Variants in SLC1A2 observed in about 807,000 individuals in gnomAD.
SLC1A2 encodes excitatory amino acid transporter 2.
A neutral mutation model predicts 48.8 loss-of-function variants in SLC1A2; 15 were observed. The observed-to-expected ratio is 0.31, with a 90% confidence interval of 0.21 to 0.47. SLC1A2 has a LOEUF of 0.47. SLC1A2 is among the 20% of genes least tolerant of loss of function. SLC1A2 has a pLI of 0.99. For synonymous variants in SLC1A2, 279 were observed against 272.6 expected (o/e 1.02, Z -0.23); for missense variants, 502 against 730.5 (o/e 0.69, Z 3.61).
At chr11:35,342,126 G>T (rs1436316700) in intron 1 of SLC1A2, among the ~76,000 whole-genome samples, 1 of 152,158 alleles carries the variant, frequency 6.6e-6, no homozygotes, top group African/African-American at 2.4e-5. Flanking sequence ...TGTAAATGGA[G>T]ATTCTTATAT....
At chr11:35,414,056 T>C (rs965912436) in intron 1 of SLC1A2, among the ~76,000 whole-genome samples, 2 of 152,212 alleles carry the variant, frequency 1.3e-5, no homozygotes, top group Non-Finnish European at 2.9e-5. Flanking sequence ...GTTCATTCCC[T>C]TCATTCCATT....
At chr11:35,409,239 T>A (rs1322020716) in intron 1 of SLC1A2, among the ~76,000 whole-genome samples, 2 of 152,208 alleles carry the variant, frequency 1.3e-5, no homozygotes, top group East Asian at 3.9e-4. Flanking sequence ...ACAGACTACC[T>A]GACTTCTTGA....
intron 1 of SLC1A2, among the ~76,000 whole-genome samples, chr11:35,356,630 C>G (rs1853477497): frequency 6.6e-6 from 1 of 152,192 alleles, no homozygotes; most frequent in South Asian, 2.1e-4. Context: ...GAAATTTCTT[C>G]TGAGGGTCTA....
At chr11:35,319,676 A>G (rs1851996950) in intron 1 of SLC1A2, among the ~76,000 whole-genome samples, 1 of 152,268 alleles carries the variant, frequency 6.6e-6, no homozygotes. Context: ...ATACACACCC[A>G]ACCTGGCAAT....
chr11:35,286,509 T>C (rs988995844), intron 8 of SLC1A2: 2 of 333,048 alleles, frequency 6.0e-6, no homozygotes, highest in African/African-American at 4.3e-5. Flanking sequence ...ACAGGATTGC[T>C]AAAAATCAAA....
intron 1 of SLC1A2, among the ~76,000 whole-genome samples, chr11:35,385,894 G>A (rs1490943942): frequency 3.9e-5 from 6 of 152,164 alleles, no homozygotes; most frequent in Non-Finnish European, 8.8e-5. Context: ...TTGGCCCGGC[G>A]CGGTGGCTCA....
intron 5 of SLC1A2, among the ~76,000 whole-genome samples, chr11:35,305,291 C>T (rs1031897763): frequency 8.5e-5 from 13 of 152,346 alleles, no homozygotes; most frequent in Admixed American, 1.3e-4. Context: ...GATCACAGCT[C>T]ATACGGAGAG....
At chr11:35,345,470 A>C (rs7930134) in intron 1 of SLC1A2, among the ~76,000 whole-genome samples, 88,239 of 151,920 alleles carry the variant, frequency 0.58, 26,161 homozygotes, top group East Asian at 0.7. Flanking sequence ...TCCCTGTTCC[A>C]TGTGCAAGGC....
intron 1 of SLC1A2, among the ~76,000 whole-genome samples, chr11:35,329,806 A>G (rs1852370668): frequency 6.6e-6 from 1 of 152,172 alleles, no homozygotes; most frequent in Non-Finnish European, 1.5e-5. Context: ...TGGTGAGCCT[A>G]TATCTGTTTC....
intron 1 of SLC1A2, among the ~76,000 whole-genome samples, chr11:35,414,282 T>C (rs1855547269): frequency 6.6e-6 from 1 of 152,206 alleles, no homozygotes; most frequent in Non-Finnish European, 1.5e-5. Flanking sequence ...GTCTTCTTTT[T>C]AAAATTTTAA....
chr11:35,356,380 G>T (rs1379637231), intron 1 of SLC1A2, among the ~76,000 whole-genome samples: 1 of 152,174 alleles, frequency 6.6e-6, no homozygotes, highest in Non-Finnish European at 1.5e-5. Flanking sequence ...TAGTAGAAAG[G>T]CTTAGTCAAA....
chr11:35,417,704 A>C (rs908951913), intron 1 of SLC1A2, among the ~76,000 whole-genome samples: 3 of 152,226 alleles, frequency 2.0e-5, no homozygotes, highest in Non-Finnish European at 4.4e-5. Context: ...TCATGCAATG[A>C]CAAGATGCCA....
chr11:35,406,332 C>T (rs1226352537), intron 1 of SLC1A2, among the ~76,000 whole-genome samples: 3 of 151,962 alleles, frequency 2.0e-5, no homozygotes, highest in Admixed American at 2.0e-4. Context: ...TAGATACAAA[C>T]AGACAGATAA....
At chr11:35,278,109 G>T (rs979034530) in intron 9 of SLC1A2, among the ~76,000 whole-genome samples, 1 of 152,144 alleles carries the variant, frequency 6.6e-6, no homozygotes, top group African/African-American at 2.4e-5. Flanking sequence ...GGCAGAGACA[G>T]AGATGAGGCT....
chr11:35,350,934 A>C (rs1853227322), intron 1 of SLC1A2, among the ~76,000 whole-genome samples: 1 of 152,224 alleles, frequency 6.6e-6, no homozygotes, highest in Non-Finnish European at 1.5e-5. Flanking sequence ...GAACATATTA[A>C]TACTAAAAGC....
At position 35,398,187 on chromosome 11, in the gene SLC1A2, A is replaced by C. The variant is rs1855028294; in HGVS notation, c.17+20763T>G. 2.0e-5 allele frequency among the ~76,000 whole-genome samples: 3 copies of C among 152,154 alleles called. No homozygotes were observed. The South Asian group carries it at 6.2e-4, about 32-fold the overall frequency. ...TAAACCTACTTGGCTCTCATTTCCA[A>C]ACTTCACATGCACTGGCCCCTCTCA... On this transcript the variant is annotated intron_variant, in intron 1 of 10. Transcript: ENST00000278379.
chr11:35,334,970 C>A (rs183772324), intron 1 of SLC1A2, among the ~76,000 whole-genome samples: 1 of 152,120 alleles, frequency 6.6e-6, no homozygotes, highest in East Asian at 1.9e-4. Context: ...TTTCCATTGT[C>A]GGGTAGCTAG....
At chr11:35,333,543 C>A (rs1852505871) in intron 1 of SLC1A2, among the ~76,000 whole-genome samples, 1 of 152,134 alleles carries the variant, frequency 6.6e-6, no homozygotes, top group South Asian at 2.1e-4. Context: ...GATTCCTTTT[C>A]TTTATTGCTA....
rs571299392 is a variant in SLC1A2 at position 35,350,473 on chromosome 11, A to T, written c.18-32957T>A. Among the ~76,000 whole-genome samples, 6 of 152,332 alleles carry T rather than the reference A, an allele frequency of 3.9e-5. No individual in the cohort carries two copies. In the South Asian group the frequency reaches 1.2e-3, roughly 32 times the overall value. Reference sequence around the variant, plus strand: ...TTACCCCAGATTAGGGTGAGAAGGTAAAGAAGGGCTAAGGTTGTGAATCTT... The same window carrying T: ...TTACCCCAGATTAGGGTGAGAAGGTTAAGAAGGGCTAAGGTTGTGAATCTT... On this transcript the variant is annotated intron_variant, in intron 1 of 10. Coordinates refer to ENST00000278379, the MANE Select transcript of SLC1A2 (RefSeq NM_004171.4).
Sources: gnomAD v4.1 joint callset for allele counts (sites outside exome capture counted in the v4.1 genomes callset) on GRCh38, gnomAD v4.1.1 for gene constraint, MANE v1.5 for transcripts, NCBI Gene and HGNC (gene_info 2026-07-23, HGNC 2026-07-21) for gene names.